GPM6A: variants seen among roughly 807,000 people sequenced by gnomAD.
The protein encoded by GPM6A is glycoprotein M6A.
Under a neutral mutation model 32.1 loss-of-function variants are expected in GPM6A, and 7 were observed. The observed-to-expected ratio is 0.22, with a 90% CI of 0.12 to 0.41. The LOEUF (loss-of-function observed/expected upper bound fraction) is 0.41. GPM6A is among the 10% of genes least tolerant of loss of function. The pLI is 1.00. For missense variants in GPM6A, 235 were observed against 347.2 expected (o/e 0.68, Z 2.57); for synonymous variants, 130 against 123.4 (o/e 1.05, Z -0.35).
chr4:175,782,517 T>A (rs1478165516), intron 1 of GPM6A, among the ~76,000 whole-genome samples: 1 of 152,132 alleles, frequency 6.6e-6, no homozygotes, highest in Non-Finnish European at 1.5e-5. Context: ...AAGATGGAAA[T>A]AATACTTTGT....
intron 1 of GPM6A, among the ~76,000 whole-genome samples, chr4:175,840,638 C>T (rs1579558075): frequency 6.6e-6 from 1 of 152,272 alleles, no homozygotes; most frequent in African/African-American, 2.4e-5. Context: ...CGTGCCATTG[C>T]ACTCCAGCTG....
At chr4:175,687,328 A>G (rs889807079) in intron 2 of GPM6A, among the ~76,000 whole-genome samples, 1 of 152,078 alleles carries the variant, frequency 6.6e-6, no homozygotes, top group African/African-American at 2.4e-5. Context: ...GCCACTCCCC[A>G]TATTCCCCAG....
chr4:175,880,607 C>T (rs1737242051), intron 1 of GPM6A, among the ~76,000 whole-genome samples: 1 of 152,128 alleles, frequency 6.6e-6, no homozygotes, highest in Non-Finnish European at 1.5e-5. Context: ...CTTCACATCC[C>T]TTGCAAATTG....
intron 1 of GPM6A, among the ~76,000 whole-genome samples, chr4:175,770,757 C>T (rs1161811547): frequency 1.3e-5 from 2 of 152,172 alleles, no homozygotes; most frequent in Admixed American, 1.3e-4. Context: ...GCATCTCTAA[C>T]ATCTTTCTAC....
intron 1 of GPM6A, chr4:175,787,519 G>T: frequency 6.9e-7 from 1 of 1,448,770 alleles, no homozygotes; most frequent in Non-Finnish European, 9.0e-7. Context: ...TCCACCTTTA[G>T]GTTGATTTCA....
intron 3 of GPM6A, among the ~76,000 whole-genome samples, chr4:175,670,992 T>C (rs1196909989): frequency 6.6e-6 from 1 of 151,658 alleles, no homozygotes; most frequent in Non-Finnish European, 1.5e-5. Flanking sequence ...GCCTCCCAAG[T>C]AGCTGGAATT....
chr4:175,717,734 C>T (rs1745911978), intron 1 of GPM6A, among the ~76,000 whole-genome samples: 1 of 152,150 alleles, frequency 6.6e-6, no homozygotes, highest in Non-Finnish European at 1.5e-5. Flanking sequence ...ATATCTCAAA[C>T]TTATGAGAAT....
chr4:175,813,471 G>A (rs1444648372), upstream of GPM6A, among the ~76,000 whole-genome samples: 1 of 151,918 alleles, frequency 6.6e-6, no homozygotes, highest in African/African-American at 2.4e-5. Flanking sequence ...AGAAAGAAAG[G>A]ATCCTTGCCT....
intron 1 of GPM6A, among the ~76,000 whole-genome samples, chr4:175,948,179 A>G (rs1739674377): frequency 6.6e-6 from 1 of 152,204 alleles, no homozygotes; most frequent in Non-Finnish European, 1.5e-5. Context: ...TGATACCCTC[A>G]TGTTATAGAC....
Position 175,664,030 on chromosome 4 carries a change from A to T in GPM6A, c.387+9650T>A, listed in dbSNP as rs149502711. On this transcript the variant is annotated intron_variant, in intron 3 of 6. Transcript: ENST00000393658. ...TTTTAAAAAGAACAAATTGTGCCAT[A>T]AAGCCATGAAATGATGCGGAGGAAC... Among the ~76,000 whole-genome samples, 96 of 152,280 alleles carry T rather than the reference A, an allele frequency of 6.3e-4. No individual in the cohort carries two copies. The South Asian group carries it at 7.5e-3, about 12-fold the overall frequency.
At chr4:175,779,239 A>G (rs569098593) in intron 1 of GPM6A, among the ~76,000 whole-genome samples, 1 of 152,032 alleles carries the variant, frequency 6.6e-6, no homozygotes, top group Admixed American at 6.6e-5. Flanking sequence ...TGCAATCGTT[A>G]CCCATTTGAT....
At chr4:175,778,529 G>T (rs1249593506) in intron 1 of GPM6A, among the ~76,000 whole-genome samples, 1 of 150,968 alleles carries the variant, frequency 6.6e-6, no homozygotes, top group African/African-American at 2.4e-5. Context: ...GGAGGCTGAG[G>T]CAGGAGAATC....
chr4:175,799,715 C>G (rs1012951934), intron 1 of GPM6A, among the ~76,000 whole-genome samples: 1 of 120,334 alleles, frequency 8.3e-6, no homozygotes, highest in Non-Finnish European at 1.8e-5. Flanking sequence ...TCGCCCAGGC[C>G]GGACTGCGGA....
At chr4:175,866,344 T>C (rs1484973504) in intron 1 of GPM6A, among the ~76,000 whole-genome samples, 2 of 152,140 alleles carry the variant, frequency 1.3e-5, no homozygotes, top group East Asian at 3.9e-4. Flanking sequence ...TGTTAAGATT[T>C]GGACAAATGT....
At chr4:175,806,753 C>T (rs933526356) in intron 1 of GPM6A, 4 of 152,066 alleles carry the variant, frequency 2.6e-5, no homozygotes, top group Non-Finnish European at 5.9e-5. Context: ...TTTCTTACGC[C>T]CAGGAGGACA....
chr4:175,976,250 C>T (rs755695582), intron 1 of GPM6A, among the ~76,000 whole-genome samples: 2 of 151,644 alleles, frequency 1.3e-5, no homozygotes, highest in African/African-American at 4.8e-5. Context: ...GCAAGCTCCG[C>T]CTCCCAAGTT....
At chr4:175,799,864 C>A (rs1049698122) in intron 1 of GPM6A, among the ~76,000 whole-genome samples, 1 of 151,762 alleles carries the variant, frequency 6.6e-6, no homozygotes, top group East Asian at 1.9e-4. Flanking sequence ...TTAGTAGAGA[C>A]GGGGTTTCAC....
chr4:175,788,549 A>G (rs1733890289), intron 1 of GPM6A, among the ~76,000 whole-genome samples: 1 of 152,204 alleles, frequency 6.6e-6, no homozygotes, highest in South Asian at 2.1e-4. Flanking sequence ...CAAATACAAC[A>G]CAGACAAAAC....
intron 1 of GPM6A, among the ~76,000 whole-genome samples, chr4:175,752,766 C>T (rs1161733061): frequency 6.6e-6 from 1 of 152,126 alleles, no homozygotes; most frequent in African/African-American, 2.4e-5. Flanking sequence ...TCTGGAGCAT[C>T]TCCAAGTTGG....
Sources: allele counts gnomAD v4.1 joint callset (sites outside exome capture counted in the v4.1 genomes callset), GRCh38; gene constraint gnomAD v4.1.1; transcripts MANE v1.5; gene names NCBI Gene and HGNC (gene_info 2026-07-23, HGNC 2026-07-21).